The following NRG3 variants were observed in gnomAD, a reference collection of about 807,000 sequenced individuals.
The protein encoded by NRG3 is pro-neuregulin-3, membrane-bound isoform.
Under a neutral mutation model 66.9 loss-of-function variants are expected in NRG3, and 31 were observed. The ratio of observed to expected loss-of-function variants is 0.46; its 90% CI spans 0.35 to 0.63. NRG3 has a LOEUF of 0.63. NRG3 is among the 20% of genes least tolerant of loss of function. The probability of loss-of-function intolerance (pLI) is 0.00; values close to 1 mark genes in which losing one functional copy is unlikely to be tolerated. For missense variants in NRG3, 910 were observed against 878.9 expected (o/e 1.04, Z -0.45); for synonymous variants, 393 against 359.4 (o/e 1.09, Z -1.06).
intron 4 of NRG3, among the ~76,000 whole-genome samples, chr10:82,948,063 T>TATC (rs1849181404): frequency 6.6e-6 from 1 of 152,084 alleles, no homozygotes; most frequent in Admixed American, 6.5e-5. Flanking sequence ...CATTTACATC[T>TATC]ATCATCCTTT....
intron 2 of NRG3, among the ~76,000 whole-genome samples, chr10:82,550,419 C>T (rs973562792): frequency 6.6e-6 from 1 of 152,098 alleles, no homozygotes; most frequent in African/African-American, 2.4e-5. Context: ...TCTGCCCGGC[C>T]ATTTCACTCC....
chr10:82,401,651 G>A (rs187848330), intron 2 of NRG3, among the ~76,000 whole-genome samples: 20 of 151,972 alleles, frequency 1.3e-4, no homozygotes, highest in Non-Finnish European at 1.5e-5. Flanking sequence ...TTAATAATAG[G>A]GGCTATGGAA....
chr10:82,944,251 A>C (rs1848810861), intron 4 of NRG3, among the ~76,000 whole-genome samples: 1 of 152,210 alleles, frequency 6.6e-6, no homozygotes, highest in Non-Finnish European at 1.5e-5. Context: ...AAAACAAAAC[A>C]AAAAACATAC....
chr10:81,875,252 A>AGCCCGCGCCCGC lies in NRG3; in HGVS notation c.-77_-66dup, dbSNP rs898813138. The AGCCCGCGCCCGC allele has an allele frequency of 7.5e-6, 6 of 798,874 alleles. No individual in the cohort carries two copies. The highest frequency in any genetic ancestry group is 9.0e-6 in the Non-Finnish European group (6 of 665,012). The allele number at this position is 798,874 out of a possible 1,614,324, so 49.5% of individuals were successfully genotyped here. ...CGCCCGAGCCCGCCGCCGCCGCCGGAGCCCGCGCCCGCGCCCGCGCCCGGC... is the reference window on the plus strand; with the variant it reads ...CGCCCGAGCCCGCCGCCGCCGCCGGAGCCCGCGCCCGCGCCCGCGCCCGCGCCCGCGCCCGGC... On this transcript the variant is annotated 5_prime_UTR_variant, in exon 1 of 9. Coordinates refer to ENST00000372141, the MANE Select transcript of NRG3 (RefSeq NM_001010848.4). The surrounding 1 kb of genome is among the most constrained non-coding windows in gnomAD (Gnocchi z 5.3).
rs867384887 is a variant in NRG3 at position 82,622,440 on chromosome 10, C to G, written c.954-116137C>G. 2.0e-5 allele frequency among the ~76,000 whole-genome samples: 3 copies of G among 152,194 alleles called. No homozygotes were observed. In the South Asian group the frequency reaches 6.2e-4, roughly 32 times the overall value. On this transcript the variant is annotated intron_variant, in intron 2 of 8. Coordinates refer to ENST00000372141, the MANE Select transcript of NRG3 (RefSeq NM_001010848.4). ...CAAAGATATAGTGTTTATTCATTAC[C>G]TCTACCACACACCCCATTTCAAATC...
chr10:82,045,402 T>G (rs201522739), intron 1 of NRG3, among the ~76,000 whole-genome samples: 39,477 of 82,938 alleles, frequency 0.48, 9,366 homozygotes, highest in South Asian at 0.74. Context: ...TCGCCCACTT[T>G]TTGATGGGGT....
intron 3 of NRG3, among the ~76,000 whole-genome samples, chr10:82,759,563 T>C (rs1231328653): frequency 6.6e-6 from 1 of 152,144 alleles, no homozygotes; most frequent in Admixed American, 6.6e-5. Context: ...GGGAAGTCTT[T>C]CAAATGTCAA....
chr10:82,311,576 A>T (rs1364646825), intron 1 of NRG3, among the ~76,000 whole-genome samples: 1 of 152,214 alleles, frequency 6.6e-6, no homozygotes, highest in Non-Finnish European at 1.5e-5. Context: ...ACTCACAAAA[A>T]TCTGGAAGAT....
intron 2 of NRG3, among the ~76,000 whole-genome samples, chr10:82,487,730 G>A (rs1352169264): frequency 6.6e-6 from 1 of 152,164 alleles, no homozygotes; most frequent in African/African-American, 2.4e-5. Context: ...TTTAAGAAAA[G>A]ACAAACAGAT....
intron 1 of NRG3, among the ~76,000 whole-genome samples, chr10:82,093,023 T>A (rs1399312905): frequency 6.6e-6 from 1 of 152,204 alleles, no homozygotes; most frequent in Non-Finnish European, 1.5e-5. Context: ...CAGGGTCACC[T>A]GTTAGCTTGC....
intron 4 of NRG3, among the ~76,000 whole-genome samples, chr10:82,913,085 G>A (rs980243588): frequency 5.9e-5 from 9 of 152,112 alleles, no homozygotes; most frequent in African/African-American, 1.9e-4. Flanking sequence ...AATTAGCCGG[G>A]CGTGGTGCAG....
intron 2 of NRG3, among the ~76,000 whole-genome samples, chr10:82,548,741 C>A (rs1399811954): frequency 6.6e-6 from 1 of 151,462 alleles, no homozygotes; most frequent in African/African-American, 2.4e-5. Context: ...AAGAAGGAGA[C>A]AGCAGTAAAA....
chr10:81,956,588 A>G lies in NRG3; in HGVS notation c.823+80425A>G, dbSNP rs1204049726. ...ACTGTACTTTCAAAATATAGCCTGCATGCTGACCACTTCTTAACTGTCCAC... is the reference window on the plus strand; with the variant it reads ...ACTGTACTTTCAAAATATAGCCTGCGTGCTGACCACTTCTTAACTGTCCAC... On this transcript the variant is annotated intron_variant, in intron 1 of 8. Coordinates refer to ENST00000372141, the MANE Select transcript of NRG3 (RefSeq NM_001010848.4). Among the ~76,000 whole-genome samples the G allele has an allele frequency of 2.0e-5, 3 of 152,146 alleles. No homozygotes were observed. The East Asian group carries it at 5.8e-4, about 29-fold the overall frequency.
chr10:82,511,362 CT>C (rs1347565939), intron 2 of NRG3, among the ~76,000 whole-genome samples: 1 of 152,206 alleles, frequency 6.6e-6, no homozygotes, highest in Non-Finnish European at 1.5e-5. Context: ...CAGCTTATCA[CT>C]TAAAATCAAT....
chr10:82,405,704 G>A (rs2087466307), intron 2 of NRG3, among the ~76,000 whole-genome samples: 1 of 152,106 alleles, frequency 6.6e-6, no homozygotes, highest in East Asian at 1.9e-4. Flanking sequence ...CTGACCTCAG[G>A]TGATCCACCC....
At chr10:82,199,393 T>G (rs982016032) in intron 1 of NRG3, among the ~76,000 whole-genome samples, 2 of 152,186 alleles carry the variant, frequency 1.3e-5, no homozygotes, top group Non-Finnish European at 2.9e-5. Context: ...GGTGCAGCTC[T>G]GCTTAGTTCA....
intron 2 of NRG3, among the ~76,000 whole-genome samples, chr10:82,418,784 G>C (rs1317212417): frequency 6.9e-6 from 1 of 145,808 alleles, no homozygotes; most frequent in Admixed American, 6.9e-5. Flanking sequence ...TTTTTTTTTT[G>C]GAGACAGAGT....
Position 81,940,992 on chromosome 10 carries a change from A to G in NRG3, c.823+64829A>G, listed in dbSNP as rs1848358324. On this transcript the variant is annotated intron_variant, in intron 1 of 8. Coordinates refer to ENST00000372141, the MANE Select transcript of NRG3 (RefSeq NM_001010848.4). ...ATTTATGAAGTTACAATAGATATAT[A>G]ATTCTTACCTTATTGTGTGTTCTCT... is the stretch of plus-strand genomic sequence containing the variant. Among the ~76,000 whole-genome samples the G allele has an allele frequency of 2.6e-5, 4 of 152,136 alleles. No homozygotes were observed. In the South Asian group the frequency reaches 8.3e-4, roughly 31 times the overall value.
At chr10:82,512,466 A>G (rs1279621567) in intron 2 of NRG3, among the ~76,000 whole-genome samples, 2 of 151,982 alleles carry the variant, frequency 1.3e-5, no homozygotes, top group Admixed American at 6.6e-5. Flanking sequence ...TTGTATTTTT[A>G]GTAGAGATGG....
Sources: allele counts gnomAD v4.1 joint callset (sites outside exome capture counted in the v4.1 genomes callset), GRCh38; gene constraint gnomAD v4.1.1; non-coding constraint Gnocchi (gnomAD v3.1); transcripts MANE v1.5; gene names NCBI Gene and HGNC (gene_info 2026-07-23, HGNC 2026-07-21).